HELQ: variants seen among roughly 807,000 people sequenced by gnomAD.
The protein encoded by HELQ is helicase, POLQ like.
A neutral mutation model predicts 111.6 loss-of-function variants in HELQ; 77 were observed. That is an observed-to-expected ratio of 0.69 (90% confidence interval 0.57 to 0.83). The LOEUF (loss-of-function observed/expected upper bound fraction) is 0.83. HELQ is among the 40% of genes least tolerant of loss of function. The pLI is 0.00. For synonymous variants in HELQ, 438 were observed against 454.7 expected (o/e 0.96, Z 0.47); for missense variants, 1,200 against 1,288.5 (o/e 0.93, Z 1.05).
chr4:83,423,866 G>A (rs1191298225), intron 14 of HELQ, among the ~76,000 whole-genome samples: 4 of 151,884 alleles, frequency 2.6e-5, no homozygotes, highest in Admixed American at 1.3e-4. Context: ...AGCTGAGATC[G>A]TGCCATTGCA....
Position 83,420,469 on chromosome 4 carries a change from G to A in HELQ, c.2949+1094C>T, listed in dbSNP as rs191536733. 7.6e-3 allele frequency among the ~76,000 whole-genome samples: 1,090 copies of A among 142,612 alleles called. 9 individuals are homozygous for A. The highest frequency in any genetic ancestry group is 0.022 in the African/African-American group (859 of 39,290). 93.6% of individuals were successfully genotyped at this position (142,612 alleles called of 152,430 possible). ...CATCATAGTGAGACCCCCCACCCCCGCCCACCCTTTGCACAAAAAAAATTT... is the reference window on the plus strand; with the variant it reads ...CATCATAGTGAGACCCCCCACCCCCACCCACCCTTTGCACAAAAAAAATTT... On this transcript the variant is annotated intron_variant, in intron 15 of 17. Coordinates refer to ENST00000295488, the MANE Select transcript of HELQ (RefSeq NM_133636.5).
chr4:83,410,295 T>C (rs2109958209), intron 17 of HELQ, among the ~76,000 whole-genome samples: 1 of 152,262 alleles, frequency 6.6e-6, no homozygotes, highest in East Asian at 1.9e-4. Flanking sequence ...GGAAATAAAA[T>C]GGAATACCAG....
chr4:83,442,556 C>T (rs927434096), intron 6 of HELQ, among the ~76,000 whole-genome samples: 3 of 151,730 alleles, frequency 2.0e-5, no homozygotes, highest in East Asian at 1.9e-4. Flanking sequence ...GGACTACAGG[C>T]GTGCGTCACC....
Position 83,437,028 on chromosome 4 carries a change from G to C in HELQ, c.1878C>G (p.Gly626=). Residue 626 remains glycine (G), a synonymous_variant, in exon 9 of 18, where the codon GGC becomes GGG. Transcript: ENST00000295488. ...TGCGCTTTAAAACAGGACACAGGTT[G>C]CCATTGCCAATATTCTTCAAGTTCT... The part of the protein sequence containing the change: ...VIKNLKNIGN[G]NLCPVLKRTI... 1 of 1,613,920 alleles carries C rather than the reference G, an allele frequency of 6.2e-7. No homozygotes were observed. Among genetic ancestry groups the C allele is most frequent in the Non-Finnish European group, 8.5e-7 (1 of 1,179,872 alleles).
At chr4:83,421,501 G>T in intron 15 of HELQ, 62 bp downstream of exon 15, 1 of 1,280,048 alleles carries the variant, frequency 7.8e-7, no homozygotes, top group Non-Finnish European at 1.1e-6. Context: ...TGGCTTATTA[G>T]TTTAGTAACA....
chr4:83,427,852 A>G (rs1188001139), intron 12 of HELQ, 132 bp from the exon 13 acceptor site: 1 of 568,518 alleles, frequency 1.8e-6, no homozygotes, highest in African/African-American at 1.9e-5. Context: ...CTTACTATAT[A>G]ACTATTTTGG....
At chr4:83,454,934 T>C (rs1381493408) in intron 1 of HELQ, among the ~76,000 whole-genome samples, 2 of 152,112 alleles carry the variant, frequency 1.3e-5, no homozygotes, top group Non-Finnish European at 2.9e-5. Flanking sequence ...AGAAACTGAA[T>C]ACTGACTTGG....
intron 17 of HELQ, among the ~76,000 whole-genome samples, chr4:83,414,630 G>A (rs1446535443): frequency 6.6e-6 from 1 of 152,144 alleles, no homozygotes; most frequent in Non-Finnish European, 1.5e-5. Flanking sequence ...TTATTAATGG[G>A]TTATAACCCA....
chr4:83,454,023 G>T, intron 1 of HELQ, 78 bp from the exon 2 acceptor site: 1 of 847,622 alleles, frequency 1.2e-6, no homozygotes, highest in Non-Finnish European at 1.9e-6. Flanking sequence ...GGCCAACATG[G>T]TCAAACCCCG....
chr4:83,453,688 A>T lies in HELQ; in HGVS notation c.555T>A (p.Ile185=). Residue 185 remains isoleucine, a synonymous_variant, in exon 2 of 18, where the codon ATT becomes ATA. Coordinates refer to ENST00000295488, the MANE Select transcript of HELQ (RefSeq NM_133636.5). ...CATACAAAAGATCAGCTCCAGGTTC[A>T]ATAGTGACACCTTCATATCCACTCT... ...ENQSGYEGVT[I]EPGADLLYDV... is the part of the protein sequence containing the mutation. The T allele has an allele frequency of 6.2e-7, 1 of 1,614,152 alleles. No homozygotes were observed. Among genetic ancestry groups the T allele is most frequent in the South Asian group, 1.1e-5 (1 of 91,088 alleles).
chr4:83,454,134 C>T (rs115874956), intron 1 of HELQ, among the ~76,000 whole-genome samples, 189 bp from the exon 2 acceptor site: 3,653 of 152,178 alleles, frequency 0.024, 133 homozygotes, highest in African/African-American at 0.082. Flanking sequence ...ACCTGGGAAG[C>T]GCAGGTTGCG....
At chr4:83,412,634 T>G (rs1185669921) in intron 17 of HELQ, among the ~76,000 whole-genome samples, 1 of 152,178 alleles carries the variant, frequency 6.6e-6, no homozygotes, top group Non-Finnish European at 1.5e-5. Context: ...AAGACCAGCC[T>G]GGGCAACATA....
At chr4:83,422,641 G>C (rs1233407564) in intron 14 of HELQ, among the ~76,000 whole-genome samples, 1 of 152,192 alleles carries the variant, frequency 6.6e-6, no homozygotes. Flanking sequence ...AGAGGCTCCT[G>C]AAGGAATCAA....
chr4:83,427,377 G>A (rs529381560), intron 13 of HELQ, among the ~76,000 whole-genome samples, 186 bp downstream of exon 13: 37 of 152,150 alleles, frequency 2.4e-4, no homozygotes, highest in Admixed American at 9.2e-4. Context: ...ATAATAGGCC[G>A]GGTACAGTGG....
At chr4:83,418,256 A>C (rs1739467044) in intron 15 of HELQ, 50 bp from the exon 16 acceptor site, 31 of 1,143,608 alleles carry the variant, frequency 2.7e-5, no homozygotes, top group Non-Finnish European at 3.4e-5. Flanking sequence ...AAGTTATTTC[A>C]AAGTTTGGTT....
At chr4:83,410,666 T>C (rs1156362045) in intron 17 of HELQ, among the ~76,000 whole-genome samples, 1 of 152,190 alleles carries the variant, frequency 6.6e-6, no homozygotes, top group Non-Finnish European at 1.5e-5. Flanking sequence ...GACACCTTCA[T>C]TGAGAGACGG....
intron 9 of HELQ, among the ~76,000 whole-genome samples, chr4:83,434,200 G>A (rs957752754): frequency 5.3e-5 from 8 of 150,594 alleles, no homozygotes; most frequent in Non-Finnish European, 1.2e-4. Flanking sequence ...GCGAAACCCC[G>A]ACTCTACTAA....
chr4:83,437,367 C>T (rs1286209215), intron 8 of HELQ, among the ~76,000 whole-genome samples: 2 of 152,102 alleles, frequency 1.3e-5, no homozygotes, highest in Non-Finnish European at 2.9e-5. Context: ...AATCTCAGCA[C>T]TTTGGGAGGT....
Position 83,448,833 on chromosome 4 carries a change from G to C in HELQ, c.1141C>G (p.Arg381Gly), listed in dbSNP as rs751157173. Residue 381 changes from arginine to glycine, a missense_variant, in exon 3 of 18, where the codon CGG (arginine) becomes GGG (glycine). Arg to Gly is a moderately radical substitution (Grantham distance 125, BLOSUM62 -2). This residue lies in a region of HELQ where 610 missense variants were observed against 607.1 expected (regional missense o/e 1.00). Coordinates refer to ENST00000295488, the MANE Select transcript of HELQ (RefSeq NM_133636.5). ...GGAAGAATCATTAAAACATCTTTCC[G>C]ACAGCAAAGCAGTTCTTGCAGCATT... ...ILMLQELLCC[R>G]KDVLMILPYV... 2 of 1,613,648 alleles carry C rather than the reference G, an allele frequency of 1.2e-6. No homozygotes were observed. Among genetic ancestry groups the C allele is most frequent in the Non-Finnish European group, 1.7e-6 (2 of 1,179,870 alleles).
Sources: gnomAD v4.1 joint callset for allele counts (sites outside exome capture counted in the v4.1 genomes callset) on GRCh38, gnomAD v4.1.1 for gene constraint, gnomAD v4.1.1 regional missense constraint, MANE v1.5 for transcripts, NCBI Gene and HGNC (gene_info 2026-07-23, HGNC 2026-07-21) for gene names.